The following HGF variants were observed in gnomAD, a reference collection of about 807,000 sequenced individuals.
The protein encoded by HGF is fibroblast-derived tumor cytotoxic factor.
A neutral mutation model predicts 111.6 loss-of-function variants in HGF; 39 were observed. That is an observed-to-expected ratio of 0.35 (90% CI 0.27 to 0.46). The LOEUF (loss-of-function observed/expected upper bound fraction) is 0.46. Among genes scored for constraint, HGF ranks in the 20% least tolerant of loss-of-function variants. HGF has a pLI of 1.00. For missense variants in HGF, 735 were observed against 910.5 expected (o/e 0.81, Z 2.48); for synonymous variants, 285 against 294.8 (o/e 0.97, Z 0.34).
Position 81,757,286 on chromosome 7 carries a change from T to C in HGF, c.385A>G (p.Ile129Val). 6.3e-7 allele frequency: 1 copy of C among 1,579,248 alleles called. No individual in the cohort carries two copies. Among genetic ancestry groups the C allele is most frequent in the African/African-American group, 1.3e-5 (1 of 74,362 alleles). ...TTGTAGCTGCGTCCTTTACCAATGATGCAGTTTCTAATGTAGTCTATTGAA... is the reference window on the plus strand; with the variant it reads ...TTGTAGCTGCGTCCTTTACCAATGACGCAGTTTCTAATGTAGTCTATTGAA... ...YENKDYIRNC[I>V]IGKGRSYKGT... Residue 129 changes from isoleucine (I) to valine (V), a missense_variant, in exon 4 of 18, where the codon ATC (isoleucine) becomes GTC (valine). Physicochemically the swap from Ile to Val is conservative, Grantham distance 29. Transcript: ENST00000222390.
intron 7 of HGF, among the ~76,000 whole-genome samples, chr7:81,733,691 G>T (rs1212751100): frequency 1.3e-5 from 2 of 151,976 alleles, no homozygotes; most frequent in Non-Finnish European, 2.9e-5. Context: ...AGTACGACAA[G>T]GTAACTAAAT....
Position 81,729,702 on chromosome 7 carries a change from C to A in HGF, c.943G>T (p.Gly315Cys), listed in dbSNP as rs1425878341. 1 of 1,613,508 alleles carries A rather than the reference C, an allele frequency of 6.2e-7. No homozygotes were observed. The highest frequency in any genetic ancestry group is 8.5e-7 in the Non-Finnish European group (1 of 1,179,664). Residue 315 changes from glycine (G) to cysteine (C), a missense_variant, in exon 8 of 18, where the codon GGC (glycine) becomes TGC (cysteine). Physicochemically the swap from Gly to Cys is radical, Grantham distance 159. This residue lies in a region of HGF where 553 missense variants were observed against 685.6 expected (regional missense o/e 0.81). Transcript: ENST00000222390. Reference protein sequence around the residue: ...CIQGQGEGYRGTVNTIWNGIP... With the variant: ...CIQGQGEGYRCTVNTIWNGIP... The stretch of plus-strand genomic sequence containing the variant: ...CCATTCCAAATGGTATTGACAGTGC[C>A]CCTGTAGCCTTCTCCTTGACCTTGG...
chr7:81,736,180 A>G (rs1347501936), intron 7 of HGF, among the ~76,000 whole-genome samples: 2 of 152,204 alleles, frequency 1.3e-5, no homozygotes, highest in Non-Finnish European at 2.9e-5. Flanking sequence ...GCTTTCTGCC[A>G]TTTCAGTTAC....
chr7:81,726,171 G>T (rs1790003707), intron 8 of HGF, among the ~76,000 whole-genome samples, 154 bp from the exon 9 acceptor site: 1 of 152,136 alleles, frequency 6.6e-6, no homozygotes, highest in African/African-American at 2.4e-5. Flanking sequence ...TTAATATTCA[G>T]TATACATAAC....
At chr7:81,763,310 G>A (rs5745626) in intron 1 of HGF, among the ~76,000 whole-genome samples, 18 of 152,202 alleles carry the variant, frequency 1.2e-4, no homozygotes, top group African/African-American at 3.6e-4. Context: ...AAAGACAGGC[G>A]AGAAACGTCT....
chr7:81,728,779 A>G (rs909833840), intron 8 of HGF, among the ~76,000 whole-genome samples: 30 of 152,226 alleles, frequency 2.0e-4, no homozygotes, highest in African/African-American at 6.8e-4. Flanking sequence ...CTCTTCATTC[A>G]GAAATGTTAG....
intron 4 of HGF, chr7:81,756,915 C>A (rs1788799475): frequency 2.0e-6 from 1 of 504,862 alleles, no homozygotes; most frequent in South Asian, 2.2e-5. Flanking sequence ...AAGAAGAATC[C>A]TTTTAAACGA....
rs371502313 is a variant in HGF at position 81,743,382 on chromosome 7, C to T, written c.836G>A (p.Arg279His). 6.2e-7 allele frequency: 1 copy of T among 1,610,512 alleles called. No homozygotes were observed. Among genetic ancestry groups the T allele is most frequent in the South Asian group, 1.1e-5 (1 of 90,984 alleles). The change falls in exon 7 of 18, where the codon CGC becomes CAC. Residue 279 changes from arginine (R) to histidine (H), a missense_variant. Around this residue, in one of 3 missense-constraint regions of HGF, gnomAD observed 553 missense variants for 685.6 expected, o/e 0.81. Coordinates refer to ENST00000222390, the MANE Select transcript of HGF (RefSeq NM_000601.6). The part of the protein sequence containing the change: ...PWCYTLDPHT[R>H]WEYCAIKTCA... ...TGTTTTAATTGCACAGTACTCCCAG[C>T]GGGTGTGAGGGTCAAGAGTATAGCA...
intron 7 of HGF, among the ~76,000 whole-genome samples, chr7:81,730,782 G>C (rs1265789849): frequency 6.6e-6 from 1 of 152,072 alleles, no homozygotes; most frequent in East Asian, 1.9e-4. Flanking sequence ...AATGTTTATG[G>C]TTTGATAAAA....
chr7:81,736,260 C>T (rs59035425), intron 7 of HGF, among the ~76,000 whole-genome samples: 40 of 152,142 alleles, frequency 2.6e-4, no homozygotes, highest in Admixed American at 3.9e-4. Flanking sequence ...ACGTTTCAAA[C>T]GTACACTCCG....
At chr7:81,715,863 T>C (rs1789697286) in intron 11 of HGF, among the ~76,000 whole-genome samples, 1 of 152,198 alleles carries the variant, frequency 6.6e-6, no homozygotes. Flanking sequence ...TTGCTACTAC[T>C]AGCTTGTCTC....
intron 9 of HGF, among the ~76,000 whole-genome samples, chr7:81,722,894 A>T (rs1017082761): frequency 6.7e-6 from 1 of 149,566 alleles, no homozygotes; most frequent in African/African-American, 2.5e-5. Context: ...GAATTATTCT[A>T]CTTTTAAAAA....
At chr7:81,722,960 C>T (rs1394805173) in intron 9 of HGF, among the ~76,000 whole-genome samples, 1 of 150,582 alleles carries the variant, frequency 6.6e-6, no homozygotes, top group Non-Finnish European at 1.5e-5. Context: ...TTATATTTAA[C>T]ATTCTTAATT....
chr7:81,758,263 T>G (rs1265993660), intron 3 of HGF, among the ~76,000 whole-genome samples: 1 of 152,030 alleles, frequency 6.6e-6, no homozygotes, highest in African/African-American at 2.4e-5. Context: ...CTCCATATTT[T>G]GTTATCATCA....
At chr7:81,722,856 T>TATATATATATATATATATATATATATAA (rs1324988965) in intron 9 of HGF, among the ~76,000 whole-genome samples, 1 of 147,286 alleles carries the variant, frequency 6.8e-6, no homozygotes, top group African/African-American at 2.5e-5. Context: ...TATATATATA[T>TATATATATATATATATATATATATATAA]ATATATGTTG....
chr7:81,726,601 TAGAG>T (rs893213839), intron 8 of HGF, among the ~76,000 whole-genome samples: 19 of 152,172 alleles, frequency 1.2e-4, no homozygotes, highest in African/African-American at 4.3e-4. Flanking sequence ...TTTATTGATT[TAGAG>T]AGGTTACCTA....
At chr7:81,741,756 T>C (rs1485550071) in intron 7 of HGF, among the ~76,000 whole-genome samples, 1 of 151,776 alleles carries the variant, frequency 6.6e-6, no homozygotes, top group Non-Finnish European at 1.5e-5. Context: ...CTGACCAACA[T>C]AGAGAAACCC....
At chr7:81,766,866 A>G (rs1297846674) in intron 1 of HGF, among the ~76,000 whole-genome samples, 1 of 152,220 alleles carries the variant, frequency 6.6e-6, no homozygotes, top group Non-Finnish European at 1.5e-5. Context: ...TGCTCGCATG[A>G]CATTCATTTT....
intron 5 of HGF, among the ~76,000 whole-genome samples, chr7:81,749,194 A>G (rs1279255676): frequency 3.3e-5 from 5 of 152,288 alleles, no homozygotes; most frequent in African/African-American, 1.2e-4. Context: ...AATTATACAC[A>G]TAAACTTATG....
Sources: allele counts gnomAD v4.1 joint callset (sites outside exome capture counted in the v4.1 genomes callset), GRCh38; gene constraint gnomAD v4.1.1; regional missense constraint gnomAD v4.1.1; transcripts MANE v1.5; gene names NCBI Gene and HGNC (gene_info 2026-07-23, HGNC 2026-07-21).